The following SFSWAP variants were observed in gnomAD, a reference collection of about 807,000 sequenced individuals.
SFSWAP encodes splicing factor SWAP, also known as splicing factor, suppressor of white-apricot homolog.
Under a neutral mutation model 100.7 loss-of-function variants are expected in SFSWAP, and 17 were observed. The observed-to-expected ratio is 0.17, with a 90% confidence interval of 0.12 to 0.25. The LOEUF is 0.25. Ranked by LOEUF, SFSWAP falls within the 10% of genes least tolerant of loss-of-function variation. The probability of loss-of-function intolerance (pLI) is 1.00; values close to 1 mark genes in which losing one functional copy is unlikely to be tolerated. For missense variants in SFSWAP, 1,005 were observed against 1,262.6 expected (o/e 0.80, Z 3.09); for synonymous variants, 504 against 510.1 (o/e 0.99, Z 0.16).
intron 14 of SFSWAP, among the ~76,000 whole-genome samples, chr12:131,781,140 AT>A (rs1482653396): frequency 6.6e-6 from 1 of 151,826 alleles, no homozygotes; most frequent in Non-Finnish European, 1.5e-5. Context: ...TATTTGAATG[AT>A]TTATTTTAGA....
At chr12:131,717,492 G>A (rs927290358) in intron 3 of SFSWAP, among the ~76,000 whole-genome samples, 1 of 151,994 alleles carries the variant, frequency 6.6e-6, no homozygotes, top group African/African-American at 2.4e-5. Flanking sequence ...TTAAATCTGA[G>A]TTTGTAGTGC....
intron 13 of SFSWAP, among the ~76,000 whole-genome samples, chr12:131,771,152 T>C (rs528237760): frequency 6.6e-6 from 1 of 152,360 alleles, no homozygotes; most frequent in South Asian, 2.1e-4. Context: ...TAAAACCTCA[T>C]AGGGGATCAT....
intron 14 of SFSWAP, chr12:131,784,028 TCTC>T (rs1387051542): frequency 2.6e-5 from 4 of 151,814 alleles, no homozygotes; most frequent in Admixed American, 6.6e-5. Context: ...CGATGACTCA[TCTC>T]CTAATCCTGC....
chr12:131,748,797 C>T (rs558129950), intron 7 of SFSWAP, among the ~76,000 whole-genome samples: 1 of 152,356 alleles, frequency 6.6e-6, no homozygotes, highest in South Asian at 2.1e-4. Context: ...TACAACTATA[C>T]TTGCCTTTAG....
In SFSWAP at chr12:131,797,323, C is replaced by T; in HGVS notation, c.2680C>T (p.Pro894Ser). The T allele has an allele frequency of 6.2e-7, 1 of 1,610,774 alleles. No individual in the cohort carries two copies. Among genetic ancestry groups the T allele is most frequent in the Non-Finnish European group, 8.5e-7 (1 of 1,178,622 alleles). The change falls in exon 16 of 18, where the codon CCT (proline) becomes TCT (serine). Residue 894 changes from proline to serine, a missense_variant. Coordinates refer to ENST00000261674, the MANE Select transcript of SFSWAP (RefSeq NM_004592.4). Reference sequence around the variant, plus strand: ...CTCGGCGCACTCAGCCAGCGTCTCCCCTGTGGAGAGTCGGGGCTCCAGCCA... The same window carrying T: ...CTCGGCGCACTCAGCCAGCGTCTCCTCTGTGGAGAGTCGGGGCTCCAGCCA... ...AHSAHSASVS[P>S]VESRGSSQER...
At chr12:131,735,102 T>G (rs1430370712) in intron 7 of SFSWAP, among the ~76,000 whole-genome samples, 12 of 152,302 alleles carry the variant, frequency 7.9e-5, no homozygotes, top group Middle Eastern at 3.4e-3. Flanking sequence ...GAGGCTTTCC[T>G]GGCTGAAAGC....
At chr12:131,761,733 T>C (rs1882695797) in intron 11 of SFSWAP, among the ~76,000 whole-genome samples, 5 of 152,210 alleles carry the variant, frequency 3.3e-5, no homozygotes, top group Admixed American at 3.3e-4. Context: ...AATTTTGTGA[T>C]TGAAAAATTC....
chr12:131,759,718 C>G (rs538257887), intron 11 of SFSWAP, among the ~76,000 whole-genome samples: 1 of 151,436 alleles, frequency 6.6e-6, no homozygotes, highest in African/African-American at 2.4e-5. Context: ...AGGAGAATGG[C>G]GTGAACCCGG....
At chr12:131,788,216 G>A (rs964055326) in intron 15 of SFSWAP, among the ~76,000 whole-genome samples, 8 of 152,212 alleles carry the variant, frequency 5.3e-5, no homozygotes, top group East Asian at 1.9e-4. Flanking sequence ...AAGTAGCAGC[G>A]TCCTGATGGC....
intron 7 of SFSWAP, among the ~76,000 whole-genome samples, chr12:131,735,843 C>CA (rs1370698226): frequency 6.6e-6 from 1 of 152,236 alleles, no homozygotes; most frequent in African/African-American, 2.4e-5. Context: ...TCCATCTTCT[C>CA]AAAGTATTCA....
rs534052473 is a variant in SFSWAP at position 131,733,425 on chromosome 12, T to G, written c.1081+4997T>G. On this transcript the variant is annotated intron_variant, in intron 7 of 17. Transcript: ENST00000261674. The surrounding 1 kb of genome is among the most constrained non-coding windows in gnomAD (Gnocchi z 5.1). ...AGTTTGTCATTTGTAGGAGGAAATT[T>G]CACGATCATAAAGCACGGCATGCAT... 1.2e-4 allele frequency among the ~76,000 whole-genome samples: 18 copies of G among 152,236 alleles called. No individual in the cohort carries two copies. Among genetic ancestry groups the G allele is most frequent in the Admixed American group, 3.3e-4 (5 of 15,296 alleles).
chr12:131,781,270 C>T (rs1478894277), intron 14 of SFSWAP, among the ~76,000 whole-genome samples: 27 of 138,098 alleles, frequency 2.0e-4, no homozygotes, highest in Admixed American at 6.9e-4. Flanking sequence ...GACAGAGTCT[C>T]GCTGTCGCCT....
intron 13 of SFSWAP, among the ~76,000 whole-genome samples, chr12:131,774,299 A>T (rs1883843235): frequency 6.6e-6 from 1 of 152,176 alleles, no homozygotes; most frequent in South Asian, 2.1e-4. Flanking sequence ...TTTCAAATAC[A>T]ATCAGATACA....
At chr12:131,799,193 C>A in intron 17 of SFSWAP, 84 bp downstream of exon 17, 1 of 1,159,442 alleles carries the variant, frequency 8.6e-7, no homozygotes, top group Non-Finnish European at 1.3e-6. Context: ...CATTCCCTGT[C>A]CCTCCTGTCC....
intron 13 of SFSWAP, among the ~76,000 whole-genome samples, chr12:131,775,534 T>C (rs1326319180): frequency 1.3e-5 from 2 of 152,190 alleles, no homozygotes; most frequent in Non-Finnish European, 2.9e-5. Flanking sequence ...TCAGAGGATG[T>C]GCTCAGCTCG....
chr12:131,782,472 C>T (rs563229458), intron 14 of SFSWAP, among the ~76,000 whole-genome samples: 1 of 152,178 alleles, frequency 6.6e-6, no homozygotes, highest in Non-Finnish European at 1.5e-5. Flanking sequence ...TAAACTGTTA[C>T]AAACGCAGCC....
intron 7 of SFSWAP, among the ~76,000 whole-genome samples, chr12:131,742,873 A>G (rs904291791): frequency 6.6e-6 from 1 of 152,144 alleles, no homozygotes; most frequent in Non-Finnish European, 1.5e-5. Flanking sequence ...GGTTTAATGG[A>G]CTTACAGTTC....
chr12:131,727,597 A>T (rs577788027), intron 6 of SFSWAP, among the ~76,000 whole-genome samples: 2 of 152,338 alleles, frequency 1.3e-5, no homozygotes, highest in East Asian at 3.9e-4. Context: ...GTGAGCCAAG[A>T]TCACACTACT....
rs1879738271 is a variant in SFSWAP at position 131,733,795 on chromosome 12, A to G, written c.1081+5367A>G. 6.6e-6 allele frequency among the ~76,000 whole-genome samples: 1 copy of G among 151,932 alleles called. No individual in the cohort carries two copies. Among genetic ancestry groups the G allele is most frequent in the South Asian group, 2.1e-4 (1 of 4,806 alleles). ...CCCGAGGTGTGCAGAGTGTGTGTTC[A>G]GGCTTGTCTTCCTGCCGCAGCGCAG... On this transcript the variant is annotated intron_variant, in intron 7 of 17. Transcript: ENST00000261674. This position sits in a 1 kb window ranked among gnomAD's most constrained non-coding sequence, Gnocchi z 5.1.
Sources: gnomAD v4.1 joint callset for allele counts (sites outside exome capture counted in the v4.1 genomes callset) on GRCh38, gnomAD v4.1.1 for gene constraint, Gnocchi (gnomAD v3.1) non-coding constraint, MANE v1.5 for transcripts, NCBI Gene and HGNC (gene_info 2026-07-23, HGNC 2026-07-21) for gene names.